BNC2: variants seen among roughly 807,000 people sequenced by gnomAD.
BNC2 encodes zinc finger protein basonuclin-2.
BNC2 carries 20 observed loss-of-function variants against 76.3 expected under a neutral mutation model. That is an observed-to-expected ratio of 0.26 (90% CI 0.18 to 0.38). The LOEUF is 0.38. Among genes scored for constraint, BNC2 ranks in the 10% least tolerant of loss-of-function variants. The pLI, the probability that BNC2 is intolerant of heterozygous loss-of-function variation, is 1.00. For missense variants in BNC2, 1,382 were observed against 1,399.8 expected (o/e 0.99, Z 0.20); for synonymous variants, 582 against 514.8 (o/e 1.13, Z -1.77).
chr9:16,765,994 A>G (rs1051179131), intron 1 of BNC2, among the ~76,000 whole-genome samples: 9 of 151,936 alleles, frequency 5.9e-5, no homozygotes, highest in Admixed American at 1.3e-4. Flanking sequence ...TCACCGTGTT[A>G]GCCAGGATGT....
intron 3 of BNC2, among the ~76,000 whole-genome samples, chr9:16,620,449 C>T (rs1011427321): frequency 7.2e-5 from 11 of 152,158 alleles, no homozygotes; most frequent in Admixed American, 2.0e-4. Context: ...AAATGTGCCC[C>T]TTCACTACCA....
intron 5 of BNC2, among the ~76,000 whole-genome samples, chr9:16,474,160 A>T (rs1216677347): frequency 6.6e-6 from 1 of 152,246 alleles, no homozygotes; most frequent in African/African-American, 2.4e-5. Flanking sequence ...CACAGTGATC[A>T]GCTGTAAAAA....
intron 3 of BNC2, among the ~76,000 whole-genome samples, chr9:16,584,547 A>T (rs987872416): frequency 6.6e-6 from 1 of 152,154 alleles, no homozygotes; most frequent in Non-Finnish European, 1.5e-5. Flanking sequence ...TTGTGCTTCA[A>T]TTTAGCACTA....
At chr9:16,515,788 T>C (rs573662124) in intron 5 of BNC2, among the ~76,000 whole-genome samples, 34 of 149,082 alleles carry the variant, frequency 2.3e-4, no homozygotes, top group African/African-American at 7.9e-4. Flanking sequence ...ATCATAACCA[T>C]ATGACTTTCA....
At chr9:16,638,052 C>T (rs773943632) in intron 3 of BNC2, among the ~76,000 whole-genome samples, 32 of 152,202 alleles carry the variant, frequency 2.1e-4, no homozygotes, top group Middle Eastern at 3.4e-3. Context: ...GGATTGGATC[C>T]GCCTCCTAAA....
intron 3 of BNC2, among the ~76,000 whole-genome samples, chr9:16,623,243 G>C (rs896390961): frequency 1.2e-4 from 19 of 152,138 alleles, no homozygotes; most frequent in African/African-American, 3.9e-4. Flanking sequence ...ACCAGAGATT[G>C]AAAGTGCGGC....
chr9:16,433,844 T>C (rs1820951118), intron 6 of BNC2, among the ~76,000 whole-genome samples: 1 of 152,192 alleles, frequency 6.6e-6, no homozygotes, highest in South Asian at 2.1e-4. Flanking sequence ...TCCATTTCCA[T>C]AAATATTTTA....
chr9:16,665,975 C>G (rs1166599377), intron 3 of BNC2, among the ~76,000 whole-genome samples: 1 of 152,134 alleles, frequency 6.6e-6, no homozygotes, highest in Non-Finnish European at 1.5e-5. Context: ...AAGAAACTAT[C>G]TTTAAAATTT....
chr9:16,771,150 C>G (rs563248348), intron 1 of BNC2, among the ~76,000 whole-genome samples: 1 of 152,222 alleles, frequency 6.6e-6, no homozygotes, highest in African/African-American at 2.4e-5. Flanking sequence ...GCCTGGGTGA[C>G]AGAGCGAGAC....
At chr9:16,575,936 T>C (rs1385779924) in intron 4 of BNC2, among the ~76,000 whole-genome samples, 3 of 152,176 alleles carry the variant, frequency 2.0e-5, no homozygotes, top group Non-Finnish European at 4.4e-5. Context: ...GAAAGACAAA[T>C]TCTTTAAGCA....
intron 1 of BNC2, among the ~76,000 whole-genome samples, chr9:16,782,266 A>G (rs1826174698): frequency 6.6e-6 from 1 of 152,152 alleles, no homozygotes; most frequent in Non-Finnish European, 1.5e-5. Flanking sequence ...GCCTGGTGAC[A>G]GAGCAAGACT....
At chr9:16,865,815 A>G (rs1231323549) in intron 1 of BNC2, among the ~76,000 whole-genome samples, 1 of 152,188 alleles carries the variant, frequency 6.6e-6, no homozygotes, top group East Asian at 1.9e-4. Context: ...ATAGGTTCTT[A>G]CGCATTGAGT....
At chr9:16,558,306 T>C (rs896825500) in intron 4 of BNC2, among the ~76,000 whole-genome samples, 1 of 152,246 alleles carries the variant, frequency 6.6e-6, no homozygotes, top group African/African-American at 2.4e-5. Context: ...CTACTGGGAA[T>C]TTCTTCTCTT....
chr9:16,715,424 T>C (rs149032363), intron 3 of BNC2, among the ~76,000 whole-genome samples: 724 of 152,326 alleles, frequency 4.8e-3, no homozygotes, highest in Middle Eastern at 0.02. Flanking sequence ...CCAAGATGAA[T>C]GATCACATGC....
At chr9:16,633,164 C>T (rs957133044) in intron 3 of BNC2, among the ~76,000 whole-genome samples, 1 of 152,120 alleles carries the variant, frequency 6.6e-6, no homozygotes, top group Non-Finnish European at 1.5e-5. Context: ...TGCAACATAA[C>T]GAAGAGCAGT....
At chr9:16,485,111 G>GAAACAC (rs1822135548) in intron 5 of BNC2, among the ~76,000 whole-genome samples, 1 of 143,560 alleles carries the variant, frequency 7.0e-6, no homozygotes, top group African/African-American at 2.5e-5. Flanking sequence ...GACACACACA[G>GAAACAC]ACACACACAC....
chr9:16,836,647 C>T (rs904438924), intron 1 of BNC2, among the ~76,000 whole-genome samples: 4 of 152,114 alleles, frequency 2.6e-5, no homozygotes, highest in South Asian at 2.1e-4. Flanking sequence ...CTCCTCACCA[C>T]AGAAAGTCAT....
chr9:16,672,742 T>C (rs549755942), intron 3 of BNC2, among the ~76,000 whole-genome samples: 1 of 152,326 alleles, frequency 6.6e-6, no homozygotes, highest in South Asian at 2.1e-4. Context: ...GTGACATTTT[T>C]TTCCTACAAT....
intron 3 of BNC2, among the ~76,000 whole-genome samples, chr9:16,656,498 T>C (rs992426474): frequency 1.3e-5 from 2 of 152,164 alleles, no homozygotes; most frequent in Non-Finnish European, 2.9e-5. Context: ...CTCCCTCACC[T>C]CAAGATTTGC....
Sources: allele counts gnomAD v4.1 joint callset (sites outside exome capture counted in the v4.1 genomes callset), GRCh38; gene constraint gnomAD v4.1.1; transcripts MANE v1.5; gene names NCBI Gene and HGNC (gene_info 2026-07-23, HGNC 2026-07-21).